The following CCSER1 variants were observed in gnomAD, a reference collection of about 807,000 sequenced individuals.
CCSER1 encodes the protein coiled-coil serine rich protein 1.
In CCSER1, 41 loss-of-function variants were observed where a neutral mutation model predicts 82.0. That is an observed-to-expected ratio of 0.50 (90% CI 0.39 to 0.65). The LOEUF is 0.65. Ranked by LOEUF, CCSER1 falls within the 30% of genes least tolerant of loss-of-function variation. The probability of loss-of-function intolerance (pLI) is 0.00; values close to 1 mark genes in which losing one functional copy is unlikely to be tolerated. For missense variants in CCSER1, 1,119 were observed against 1,064.2 expected (o/e 1.05, Z -0.72); for synonymous variants, 414 against 383.9 (o/e 1.08, Z -0.92).
chr4:90,974,308 G>T, intron 9 of CCSER1, among the ~76,000 whole-genome samples: 1 of 144,994 alleles, frequency 6.9e-6, no homozygotes, highest in East Asian at 2.0e-4. Context: ...ACATTACATT[G>T]TATACATATC....
intron 10 of CCSER1, among the ~76,000 whole-genome samples, chr4:91,100,419 C>T (rs1011136840): frequency 6.6e-6 from 1 of 152,052 alleles, no homozygotes; most frequent in Admixed American, 6.6e-5. Flanking sequence ...TTCATATTTT[C>T]TTCTGTCAGA....
rs150859944 is a variant in CCSER1 at position 91,161,742 on chromosome 4, C to T, written c.2217+75748C>T. Among the ~76,000 whole-genome samples the T allele has an allele frequency of 3.5e-4, 53 of 152,100 alleles. No individual in the cohort carries two copies. The East Asian group carries it at 4.6e-3, about 13-fold the overall frequency. The stretch of plus-strand genomic sequence containing the variant: ...TGTGTAGGAATGCGTGTGATTTTTG[C>T]ACATTGATTTTCTATCCTGAGACAT... On this transcript the variant is annotated intron_variant, in intron 10 of 10. Transcript: ENST00000509176.
At chr4:91,283,781 C>CA (rs571841324) in intron 10 of CCSER1, among the ~76,000 whole-genome samples, 3,189 of 146,458 alleles carry the variant, frequency 0.022, 112 homozygotes, top group African/African-American at 0.074. Flanking sequence ...TCATTTGCTC[C>CA]AAAAAAAAAA....
intron 3 of CCSER1, among the ~76,000 whole-genome samples, chr4:90,350,544 A>T (rs1743242430): frequency 6.6e-6 from 1 of 152,080 alleles, no homozygotes; most frequent in South Asian, 2.1e-4. Context: ...TTTGAAAAAC[A>T]ACAAGGCCAA....
At chr4:91,141,716 C>T (rs1729050740) in intron 10 of CCSER1, among the ~76,000 whole-genome samples, 1 of 152,150 alleles carries the variant, frequency 6.6e-6, no homozygotes, top group South Asian at 2.1e-4. Flanking sequence ...CTGCTTTCTA[C>T]AGTGGCTGAA....
At chr4:91,257,412 T>C (rs1398063663) in intron 10 of CCSER1, among the ~76,000 whole-genome samples, 1 of 151,956 alleles carries the variant, frequency 6.6e-6, no homozygotes, top group Non-Finnish European at 1.5e-5. Context: ...TTAATATTCA[T>C]GGTTTGACTT....
intron 10 of CCSER1, among the ~76,000 whole-genome samples, chr4:91,496,617 C>CAACATATTT (rs1758840263): frequency 5.3e-4 from 6 of 11,422 alleles, no homozygotes; most frequent in South Asian, 5.1e-3. Context: ...TATATATACA[C>CAACATATTT]GAATATATAT....
intron 8 of CCSER1, among the ~76,000 whole-genome samples, chr4:90,868,068 A>T (rs542554364): frequency 2.0e-5 from 3 of 152,024 alleles, no homozygotes; most frequent in East Asian, 1.9e-4. Context: ...ATTCTTGTGG[A>T]TACAGAGTAG....
chr4:91,437,344 G>A (rs1214299916), intron 10 of CCSER1, among the ~76,000 whole-genome samples: 1 of 152,136 alleles, frequency 6.6e-6, no homozygotes, highest in Admixed American at 6.5e-5. Flanking sequence ...AAACATGTAT[G>A]GACTACACAT....
At chr4:90,231,452 G>A (rs28813726) in intron 1 of CCSER1, among the ~76,000 whole-genome samples, 1 of 149,582 alleles carries the variant, frequency 6.7e-6, no homozygotes, top group Non-Finnish European at 1.5e-5. Context: ...CAATAAATTA[G>A]GTATTGATGG....
At chr4:90,608,636 A>G (rs912246401) in intron 5 of CCSER1, among the ~76,000 whole-genome samples, 9 of 152,114 alleles carry the variant, frequency 5.9e-5, no homozygotes, top group Non-Finnish European at 8.8e-5. Flanking sequence ...TAACTAATAG[A>G]TACTATTAAT....
chr4:91,357,847 A>G (rs2149307830), intron 10 of CCSER1, among the ~76,000 whole-genome samples: 1 of 138,534 alleles, frequency 7.2e-6, no homozygotes, highest in Admixed American at 7.4e-5. Context: ...AATTTACCAT[A>G]TAACACTCTT....
At chr4:91,049,933 C>A (rs1742849633) in intron 9 of CCSER1, among the ~76,000 whole-genome samples, 1 of 152,188 alleles carries the variant, frequency 6.6e-6, no homozygotes, top group African/African-American at 2.4e-5. Flanking sequence ...GCCCAGGCTA[C>A]TACTTATTTG....
chr4:90,343,526 A>G (rs1230918978), intron 3 of CCSER1, among the ~76,000 whole-genome samples: 3 of 152,160 alleles, frequency 2.0e-5, no homozygotes, highest in African/African-American at 7.2e-5. Context: ...CTGAGGCAGG[A>G]GAATCACTTG....
chr4:91,376,399 G>A (rs151039412), intron 10 of CCSER1, among the ~76,000 whole-genome samples: 124 of 152,212 alleles, frequency 8.1e-4, no homozygotes, highest in East Asian at 4.2e-3. Flanking sequence ...GGAAGTATTC[G>A]TGTATCTAAA....
intron 8 of CCSER1, among the ~76,000 whole-genome samples, chr4:90,917,505 GC>G (rs1160386470): frequency 6.6e-6 from 1 of 152,080 alleles, no homozygotes; most frequent in Non-Finnish European, 1.5e-5. Flanking sequence ...ACACACTGGG[GC>G]CATTGTGGGG....
intron 10 of CCSER1, among the ~76,000 whole-genome samples, chr4:91,225,915 A>G (rs1185650065): frequency 2.0e-5 from 3 of 152,030 alleles, no homozygotes; most frequent in Non-Finnish European, 2.9e-5. Context: ...TATTGCAAGC[A>G]TGCCACAAAA....
At chr4:91,496,677 A>AT (rs71292156) in intron 10 of CCSER1, among the ~76,000 whole-genome samples, 6 of 26,360 alleles carry the variant, frequency 2.3e-4, no homozygotes, top group African/African-American at 2.7e-4. Context: ...TATTCAATAT[A>AT]TTTGAATATA....
intron 10 of CCSER1, among the ~76,000 whole-genome samples, chr4:91,332,377 G>A (rs1049677259): frequency 2.0e-5 from 3 of 151,748 alleles, no homozygotes; most frequent in Non-Finnish European, 4.4e-5. Flanking sequence ...GATCAAAGTG[G>A]AGAAATTTTA....
Sources: allele counts gnomAD v4.1 joint callset (sites outside exome capture counted in the v4.1 genomes callset), GRCh38; gene constraint gnomAD v4.1.1; transcripts MANE v1.5; gene names NCBI Gene and HGNC (gene_info 2026-07-23, HGNC 2026-07-21).